The following AP3S1 variants were observed in gnomAD, a reference collection of about 807,000 sequenced individuals.
AP3S1 encodes AP-3 complex subunit sigma-1.
Under a neutral mutation model 21.3 loss-of-function variants are expected in AP3S1, and 12 were observed. The ratio of observed to expected loss-of-function variants is 0.56; its 90% confidence interval spans 0.36 to 0.91. AP3S1 has a LOEUF of 0.91. Ranked by LOEUF, AP3S1 falls within the 40% of genes least tolerant of loss-of-function variation. AP3S1 has a pLI of 0.01. For synonymous variants in AP3S1, 48 were observed against 78.4 expected, an observed-to-expected ratio of 0.61 and a Z score of 2.05; for missense variants, 116 against 225.0, an observed-to-expected ratio of 0.52 and a Z score of 3.10.
intron 3 of AP3S1, among the ~76,000 whole-genome samples, chr5:115,890,152 A>G (rs1294441157): frequency 6.6e-6 from 1 of 152,246 alleles, no homozygotes; most frequent in East Asian, 1.9e-4. Flanking sequence ...CCAAGTATAC[A>G]ATCAGTAGAT....
chr5:115,864,229 G>T (rs1459118745), intron 1 of AP3S1, among the ~76,000 whole-genome samples: 3 of 152,170 alleles, frequency 2.0e-5, no homozygotes, highest in Non-Finnish European at 2.9e-5. Context: ...GAGTGGATGA[G>T]AACCCCTTTT....
At chr5:115,882,687 G>T (rs186019122) in intron 3 of AP3S1, among the ~76,000 whole-genome samples, 1 of 152,082 alleles carries the variant, frequency 6.6e-6, no homozygotes, top group African/African-American at 2.4e-5. Context: ...TCAGGGACCC[G>T]CTTGAGGAGG....
chr5:115,879,361 A>C (rs1213515469), intron 3 of AP3S1, among the ~76,000 whole-genome samples: 1 of 152,196 alleles, frequency 6.6e-6, no homozygotes, highest in Non-Finnish European at 1.5e-5. Flanking sequence ...TATTATTTTG[A>C]GATATGTTCC....
intron 4 of AP3S1, among the ~76,000 whole-genome samples, chr5:115,895,961 G>A (rs575738564): frequency 5.9e-5 from 9 of 152,112 alleles, no homozygotes; most frequent in Admixed American, 1.3e-4. Flanking sequence ...TTTGTGATAC[G>A]GAACTTAGGA....
intron 1 of AP3S1, among the ~76,000 whole-genome samples, chr5:115,858,841 G>C (rs575882203): frequency 1.3e-5 from 2 of 150,038 alleles, no homozygotes; most frequent in South Asian, 4.2e-4. Context: ...TTATATTAAT[G>C]ATATATATTT....
At chr5:115,863,101 A>G (rs1763322610) in intron 1 of AP3S1, among the ~76,000 whole-genome samples, 1 of 152,166 alleles carries the variant, frequency 6.6e-6, no homozygotes, top group South Asian at 2.1e-4. Flanking sequence ...CTTTTCTACT[A>G]CAAGTACAAA....
rs575145455 is a variant in AP3S1 at position 115,872,111 on chromosome 5, C to T, written c.273+1983C>T. On this transcript the variant is annotated intron_variant, in intron 3 of 5. Coordinates refer to ENST00000316788, the MANE Select transcript of AP3S1 (RefSeq NM_001284.4). ...AGCAGATCACTTGAGCCCAGGAGTT[C>T]GAGACCAGCCTGGGCAACCCCATCT... is the stretch of plus-strand genomic sequence containing the variant. Among the ~76,000 whole-genome samples the T allele has an allele frequency of 4.6e-5, 7 of 152,110 alleles. No individual in the cohort carries two copies. The South Asian group carries it at 8.3e-4, about 18-fold the overall frequency.
At chr5:115,887,816 C>G (rs1226216907) in intron 3 of AP3S1, among the ~76,000 whole-genome samples, 1 of 151,944 alleles carries the variant, frequency 6.6e-6, no homozygotes, top group Non-Finnish European at 1.5e-5. Context: ...ACAAAGCTGT[C>G]ATATAATAGA....
At chr5:115,877,440 G>A (rs1748828625) in intron 3 of AP3S1, among the ~76,000 whole-genome samples, 1 of 152,132 alleles carries the variant, frequency 6.6e-6, no homozygotes, top group Non-Finnish European at 1.5e-5. Context: ...TTATGAATGA[G>A]AACATGCAGT....
chr5:115,894,268 C>T (rs1208566721), intron 3 of AP3S1, among the ~76,000 whole-genome samples: 1 of 152,160 alleles, frequency 6.6e-6, no homozygotes, highest in African/African-American at 2.4e-5. Context: ...GATGTTTACC[C>T]TGGGGGTCAG....
At chr5:115,862,587 A>C (rs1763281773) in intron 1 of AP3S1, among the ~76,000 whole-genome samples, 1 of 152,244 alleles carries the variant, frequency 6.6e-6, no homozygotes, top group African/African-American at 2.4e-5. Flanking sequence ...TTTGTACTGT[A>C]CTACTGTAAT....
intron 3 of AP3S1, among the ~76,000 whole-genome samples, chr5:115,882,267 G>T (rs2112875244): frequency 6.6e-6 from 1 of 152,180 alleles, no homozygotes; most frequent in Admixed American, 6.5e-5. Context: ...TGGACCTTTG[G>T]AGGAGAAGAG....
intron 2 of AP3S1, among the ~76,000 whole-genome samples, chr5:115,868,889 A>AAGAG (rs578128844): frequency 4.4e-5 from 4 of 91,404 alleles, no homozygotes; most frequent in South Asian, 7.8e-4. Flanking sequence ...CTCAAAAAGA[A>AAGAG]AGAGAGAGAG....
chr5:115,854,997 T>G (rs2112792484), intron 1 of AP3S1, among the ~76,000 whole-genome samples: 1 of 151,480 alleles, frequency 6.6e-6, no homozygotes, highest in East Asian at 1.9e-4. Flanking sequence ...TATATATGTG[T>G]GTGTGTGTAT....
chr5:115,877,359 AC>A (rs1748818314), intron 3 of AP3S1, among the ~76,000 whole-genome samples: 1 of 151,102 alleles, frequency 6.6e-6, no homozygotes, highest in African/African-American at 2.4e-5. Flanking sequence ...CTAGCCCTCC[AC>A]CCCCTGACAA....
intron 3 of AP3S1, among the ~76,000 whole-genome samples, chr5:115,875,730 A>G (rs886864038): frequency 6.6e-6 from 1 of 152,160 alleles, no homozygotes; most frequent in East Asian, 1.9e-4. Context: ...TCTGCCTCCT[A>G]CATTATACTG....
At chr5:115,869,562 C>G (rs145576423) in intron 2 of AP3S1, among the ~76,000 whole-genome samples, 2 of 152,152 alleles carry the variant, frequency 1.3e-5, no homozygotes, top group African/African-American at 2.4e-5. Flanking sequence ...CTGAAATGCT[C>G]TTCTCTAAAT....
chr5:115,882,944 C>T (rs942988377), intron 3 of AP3S1, among the ~76,000 whole-genome samples: 2 of 152,182 alleles, frequency 1.3e-5, no homozygotes, highest in Admixed American at 1.3e-4. Context: ...AGTGACTTTG[C>T]CATGTTGTGG....
intron 3 of AP3S1, among the ~76,000 whole-genome samples, chr5:115,892,625 T>C (rs1037628856): frequency 2.0e-5 from 3 of 152,010 alleles, no homozygotes; most frequent in Non-Finnish European, 4.4e-5. Context: ...CTCATGGACA[T>C]AGAGAGTAGA....
Sources: gnomAD v4.1 joint callset for allele counts (sites outside exome capture counted in the v4.1 genomes callset) on GRCh38, gnomAD v4.1.1 for gene constraint, MANE v1.5 for transcripts, NCBI Gene and HGNC (gene_info 2026-07-23, HGNC 2026-07-21) for gene names.